ELOVL6: variants seen among roughly 807,000 people sequenced by gnomAD.
ELOVL6 encodes ELOVL fatty acid elongase 6.
ELOVL6 carries 8 observed loss-of-function variants against 31.7 expected under a neutral mutation model. The observed-to-expected ratio is 0.25, with a 90% CI of 0.15 to 0.45. The LOEUF (loss-of-function observed/expected upper bound fraction) is 0.45, where lower values mean the gene tolerates loss of function less well. Ranked by LOEUF, ELOVL6 falls within the 20% of genes least tolerant of loss-of-function variation. ELOVL6 has a pLI of 1.00. For synonymous variants in ELOVL6, 101 were observed against 117.7 expected (o/e 0.86, Z 0.92); for missense variants, 126 against 326.4 (o/e 0.39, Z 4.73).
chr4:110,185,919 C>T (rs12510311), intron 1 of ELOVL6, among the ~76,000 whole-genome samples: 58,273 of 151,962 alleles, frequency 0.38, 11,237 homozygotes, highest in South Asian at 0.51. Context: ...AGGCTGGGCA[C>T]GGTGGCTCAC....
In ELOVL6 at chr4:110,070,656, G is replaced by C. The variant is rs562254097; in HGVS notation, c.222-10902C>G. Among the ~76,000 whole-genome samples the C allele has an allele frequency of 9.8e-5, 15 of 152,288 alleles. No individual in the cohort carries two copies. In the South Asian group the frequency reaches 3.1e-3, roughly 32 times the overall value. On this transcript the variant is annotated intron_variant, in intron 2 of 3. Coordinates refer to ENST00000302274, the MANE Select transcript of ELOVL6 (RefSeq NM_024090.3). Reference sequence around the variant, plus strand: ...AGGGGCCTGCTGGGAGGTGATTGGAGGGGTGGACTTCCCCCTTGCCGTTCT... The same window carrying C: ...AGGGGCCTGCTGGGAGGTGATTGGACGGGTGGACTTCCCCCTTGCCGTTCT...
intron 1 of ELOVL6, among the ~76,000 whole-genome samples, chr4:110,132,858 A>G (rs1027681937): frequency 6.6e-6 from 1 of 151,926 alleles, no homozygotes; most frequent in Non-Finnish European, 1.5e-5. Context: ...AAGAAGTGGC[A>G]TTTTAGTGTT....
chr4:110,070,504 G>A (rs1755438094), intron 2 of ELOVL6, among the ~76,000 whole-genome samples: 1 of 152,180 alleles, frequency 6.6e-6, no homozygotes, highest in Admixed American at 6.5e-5. Flanking sequence ...CCAGTGCAAC[G>A]ATAATAGCAG....
At chr4:110,094,206 GC>G (rs1756499563) in intron 2 of ELOVL6, among the ~76,000 whole-genome samples, 1 of 148,132 alleles carries the variant, frequency 6.8e-6, no homozygotes, top group Admixed American at 6.8e-5. Context: ...CCAAGATTGT[GC>G]CACTGCACTC....
chr4:110,127,766 A>T (rs1285080723), intron 1 of ELOVL6, among the ~76,000 whole-genome samples: 1 of 152,222 alleles, frequency 6.6e-6, no homozygotes, highest in African/African-American at 2.4e-5. Flanking sequence ...TGATTCATTC[A>T]TTCTTGCATA....
chr4:110,186,331 A>G (rs368670129), intron 1 of ELOVL6, among the ~76,000 whole-genome samples: 1 of 152,300 alleles, frequency 6.6e-6, no homozygotes, highest in African/African-American at 2.4e-5. Flanking sequence ...AAGAAAACTT[A>G]TTTTGAGACA....
intron 2 of ELOVL6, among the ~76,000 whole-genome samples, chr4:110,084,564 A>ATTTT (rs1560815815): frequency 6.0e-5 from 2 of 33,204 alleles, no homozygotes; most frequent in African/African-American, 5.3e-4. Context: ...ACACACACAG[A>ATTTT]TATATATATA....
intron 2 of ELOVL6, among the ~76,000 whole-genome samples, chr4:110,101,985 A>G (rs1756756100): frequency 6.6e-6 from 1 of 152,186 alleles, no homozygotes; most frequent in Non-Finnish European, 1.5e-5. Flanking sequence ...ATTTTCTTCT[A>G]GTATCTCTAT....
chr4:110,082,491 A>G (rs1461405726), intron 2 of ELOVL6, among the ~76,000 whole-genome samples: 1 of 152,072 alleles, frequency 6.6e-6, no homozygotes, highest in African/African-American at 2.4e-5. Context: ...AACTATCGCA[A>G]GGACAAAAAA....
At chr4:110,165,150 T>C (rs1411049550) in intron 1 of ELOVL6, among the ~76,000 whole-genome samples, 1 of 152,228 alleles carries the variant, frequency 6.6e-6, no homozygotes, top group Admixed American at 6.5e-5. Context: ...TCTGACTAGC[T>C]GGACTAGCAA....
chr4:110,150,934 G>A (rs931325719), intron 1 of ELOVL6, among the ~76,000 whole-genome samples: 5 of 151,852 alleles, frequency 3.3e-5, no homozygotes, highest in African/African-American at 7.3e-5. Flanking sequence ...TCCCAGCTAC[G>A]CAGGAGGCTG....
At chr4:110,056,302 A>G (rs1304597409) in intron 3 of ELOVL6, among the ~76,000 whole-genome samples, 3 of 152,196 alleles carry the variant, frequency 2.0e-5, no homozygotes, top group Admixed American at 6.5e-5. Context: ...TTAATTAAAT[A>G]GTAGCGACAA....
chr4:110,146,098 A>G (rs1758101962), intron 1 of ELOVL6, among the ~76,000 whole-genome samples: 1 of 151,974 alleles, frequency 6.6e-6, no homozygotes, highest in African/African-American at 2.4e-5. Flanking sequence ...AAATTACACT[A>G]CAGGGCTATA....
At chr4:110,063,311 G>A (rs1003537816) in intron 2 of ELOVL6, among the ~76,000 whole-genome samples, 7 of 152,078 alleles carry the variant, frequency 4.6e-5, no homozygotes, top group East Asian at 1.9e-4. Flanking sequence ...TCAGGTTTCC[G>A]GAGGCCTGCT....
chr4:110,055,260 C>A (rs923857173), intron 3 of ELOVL6, among the ~76,000 whole-genome samples: 8 of 152,178 alleles, frequency 5.3e-5, no homozygotes, highest in African/African-American at 1.9e-4. Context: ...TAATTTCAGG[C>A]TTTCCAGAAG....
At chr4:110,057,465 G>A (rs1416355063) in intron 3 of ELOVL6, among the ~76,000 whole-genome samples, 1 of 151,730 alleles carries the variant, frequency 6.6e-6, no homozygotes, top group African/African-American at 2.4e-5. Context: ...AAAAGATAGG[G>A]GATTAATAAG....
chr4:110,181,681 T>C (rs186906966), intron 1 of ELOVL6, among the ~76,000 whole-genome samples: 1 of 152,310 alleles, frequency 6.6e-6, no homozygotes, highest in Non-Finnish European at 1.5e-5. Context: ...ACAAAACATC[T>C]ACTTTCTGTG....
chr4:110,178,515 T>C (rs910816453), intron 1 of ELOVL6, among the ~76,000 whole-genome samples: 2 of 150,928 alleles, frequency 1.3e-5, no homozygotes, highest in Non-Finnish European at 2.9e-5. Context: ...ATCGTGCCAC[T>C]GCACGCCAGC....
chr4:110,137,407 G>A (rs1333890638), intron 1 of ELOVL6, among the ~76,000 whole-genome samples: 1 of 152,110 alleles, frequency 6.6e-6, no homozygotes, highest in Non-Finnish European at 1.5e-5. Flanking sequence ...GGAAAGCAGA[G>A]GTCAAAGTCA....
Sources: allele counts gnomAD v4.1 joint callset (sites outside exome capture counted in the v4.1 genomes callset), GRCh38; gene constraint gnomAD v4.1.1; transcripts MANE v1.5; gene names NCBI Gene and HGNC (gene_info 2026-07-23, HGNC 2026-07-21).